Variants in DYM observed in about 807,000 individuals in gnomAD.
DYM encodes dyggve-Melchior-Clausen syndrome protein.
DYM carries 78 observed loss-of-function variants against 93.1 expected under a neutral mutation model. The ratio of observed to expected loss-of-function variants is 0.84; its 90% CI spans 0.70 to 1.01. DYM has a LOEUF of 1.01. Among genes scored for constraint, DYM ranks in the 50% least tolerant of loss-of-function variants. DYM has a pLI of 0.00. For missense variants in DYM, 789 were observed against 845.0 expected, an observed-to-expected ratio of 0.93 and a Z score of 0.82; for synonymous variants, 321 against 319.7, an observed-to-expected ratio of 1.00 and a Z score of -0.04.
At chr18:49,332,044 T>C in intron 7 of DYM, 38 bp from the exon 8 acceptor site, 3 of 1,591,196 alleles carry the variant, frequency 1.9e-6, no homozygotes, top group Non-Finnish European at 1.7e-6. Context: ...CTCATATTTA[T>C]GGGAGTCATC....
chr18:49,406,674 T>A (rs994095783), intron 2 of DYM, among the ~76,000 whole-genome samples: 1 of 151,970 alleles, frequency 6.6e-6, no homozygotes, highest in African/African-American at 2.4e-5. Context: ...ATTGCAAAAA[T>A]AAAAAATAGT....
chr18:49,255,976 C>T (rs2094385947), intron 13 of DYM, among the ~76,000 whole-genome samples: 2 of 148,682 alleles, frequency 1.3e-5, no homozygotes, highest in Non-Finnish European at 3.0e-5. Flanking sequence ...CCCAGCTACT[C>T]GGGAGGCTGA....
chr18:49,308,713 G>T (rs1482949497), intron 8 of DYM, among the ~76,000 whole-genome samples: 1 of 152,084 alleles, frequency 6.6e-6, no homozygotes, highest in African/African-American at 2.4e-5. Flanking sequence ...GGAGACACTG[G>T]CGGGAGACGG....
At chr18:49,214,560 T>TA (rs528419205) in intron 13 of DYM, among the ~76,000 whole-genome samples, 1,737 of 121,442 alleles carry the variant, frequency 0.014, 12 homozygotes, top group Non-Finnish European at 0.019. Flanking sequence ...AATCAATGAG[T>TA]AAAAAAAAAA....
chr18:49,217,693 C>A (rs1212352577), intron 13 of DYM, among the ~76,000 whole-genome samples: 4 of 152,148 alleles, frequency 2.6e-5, no homozygotes, highest in African/African-American at 7.2e-5. Context: ...CCTTTACAGA[C>A]AAGCAAATGC....
Position 49,097,478 on chromosome 18 carries a change from C to A in DYM, c.1949G>T (p.Gly650Val). 6.2e-7 allele frequency: 1 copy of A among 1,614,010 alleles called. No homozygotes were observed. Among genetic ancestry groups the A allele is most frequent in the Non-Finnish European group, 8.5e-7 (1 of 1,179,920 alleles). ...SFFSSRLLQA[G>V]AELSVERVLE... ...GACCCGTTCCACTGACAGCTCAGCT[C>A]CAGCTTGCAGCAACCTTGAGCTAAA... The change falls in exon 17 of 18, where the codon GGA (glycine) becomes GTA (valine). Residue 650 changes from glycine (G) to valine (V), a missense_variant. This residue lies in a region of DYM where 114 missense variants were observed against 105.8 expected (regional missense o/e 1.08). Transcript: ENST00000675505.
intron 2 of DYM, among the ~76,000 whole-genome samples, chr18:49,393,217 G>C (rs2069605424): frequency 6.6e-6 from 1 of 152,054 alleles, no homozygotes; most frequent in African/African-American, 2.4e-5. Flanking sequence ...TAGGACCCTT[G>C]TGCACTGATG....
chr18:49,309,239 T>C (rs1235170097), intron 8 of DYM, among the ~76,000 whole-genome samples: 3 of 152,204 alleles, frequency 2.0e-5, no homozygotes, highest in Non-Finnish European at 4.4e-5. Context: ...TGGGTCAACC[T>C]AAGTAGAAGG....
At chr18:49,155,682 G>C (rs954091686) in intron 15 of DYM, among the ~76,000 whole-genome samples, 3 of 152,136 alleles carry the variant, frequency 2.0e-5, no homozygotes, top group African/African-American at 7.2e-5. Context: ...ATGTTTTCAA[G>C]GTTCATCCAT....
chr18:49,369,567 T>A (rs2066812834), intron 5 of DYM, among the ~76,000 whole-genome samples: 1 of 152,206 alleles, frequency 6.6e-6, no homozygotes, highest in South Asian at 2.1e-4. Flanking sequence ...TCATCATTAC[T>A]CCATTTTCCA....
At chr18:49,390,577 G>C (rs1183096067) in intron 3 of DYM, 4 of 151,770 alleles carry the variant, frequency 2.6e-5, no homozygotes, top group Non-Finnish European at 5.9e-5. Flanking sequence ...GCGCGATCTC[G>C]GCTCACTGCA....
intron 13 of DYM, among the ~76,000 whole-genome samples, chr18:49,242,363 G>T (rs142919090): frequency 3.2e-4 from 49 of 152,218 alleles, no homozygotes; most frequent in Non-Finnish European, 6.0e-4. Flanking sequence ...GCACTGAGTG[G>T]GAAGTGCCAC....
intron 2 of DYM, among the ~76,000 whole-genome samples, chr18:49,399,130 A>C (rs2070468739): frequency 6.6e-6 from 1 of 152,170 alleles, no homozygotes; most frequent in Non-Finnish European, 1.5e-5. Flanking sequence ...GGCTACATGG[A>C]GGAATGAAAA....
At chr18:49,319,919 A>G (rs1241845309) in intron 8 of DYM, among the ~76,000 whole-genome samples, 1 of 152,136 alleles carries the variant, frequency 6.6e-6, no homozygotes, top group Non-Finnish European at 1.5e-5. Context: ...CTCTCTCTCC[A>G]CCACTTGTCC....
intron 2 of DYM, among the ~76,000 whole-genome samples, chr18:49,421,497 C>T (rs571709944): frequency 6.6e-6 from 1 of 152,124 alleles, no homozygotes; most frequent in African/African-American, 2.4e-5. Flanking sequence ...CCCATCTGTA[C>T]GTCACTATCA....
At chr18:49,373,031 A>G (rs1427342948) in intron 5 of DYM, among the ~76,000 whole-genome samples, 2 of 152,196 alleles carry the variant, frequency 1.3e-5, no homozygotes, top group African/African-American at 4.8e-5. Flanking sequence ...TGGGGGGTGC[A>G]GGGATACTCT....
At chr18:49,125,118 G>T (rs1028154478) in intron 15 of DYM, among the ~76,000 whole-genome samples, 1 of 152,092 alleles carries the variant, frequency 6.6e-6, no homozygotes, top group Non-Finnish European at 1.5e-5. Context: ...AAAGTAGCTG[G>T]GTGTGGTGGC....
At chr18:49,399,086 C>T (rs1231644608) in intron 2 of DYM, among the ~76,000 whole-genome samples, 1 of 152,168 alleles carries the variant, frequency 6.6e-6, no homozygotes, top group African/African-American at 2.4e-5. Context: ...CTAGGACATG[C>T]TAGGCTTCGT....
intron 9 of DYM, 126 bp downstream of exon 9, chr18:49,286,308 C>A (rs1599129550): frequency 1.8e-6 from 2 of 1,107,256 alleles, no homozygotes; most frequent in Non-Finnish European, 2.7e-6. Context: ...TAAAGTTTTT[C>A]TCATGTTTGA....
Sources: gnomAD v4.1 joint callset for allele counts (sites outside exome capture counted in the v4.1 genomes callset) on GRCh38, gnomAD v4.1.1 for gene constraint, gnomAD v4.1.1 regional missense constraint, MANE v1.5 for transcripts, NCBI Gene and HGNC (gene_info 2026-07-23, HGNC 2026-07-21) for gene names.